The following KCNMA1 variants were observed in gnomAD, a reference collection of about 807,000 sequenced individuals.
KCNMA1 encodes Calcium-activated potassium channel subunit alpha-1.
Under a neutral mutation model 140.0 loss-of-function variants are expected in KCNMA1, and 29 were observed. The ratio of observed to expected loss-of-function variants is 0.21; its 90% confidence interval spans 0.15 to 0.28. The LOEUF is 0.28. Ranked by LOEUF, KCNMA1 falls within the 10% of genes least tolerant of loss-of-function variation. KCNMA1 has a pLI of 1.00. For missense variants in KCNMA1, 880 were observed against 1,602.2 expected (o/e 0.55, Z 7.70); for synonymous variants, 612 against 611.9 (o/e 1.00, Z 0.00).
chr10:77,318,642 T>C (rs1366207478), intron 2 of KCNMA1, among the ~76,000 whole-genome samples: 2 of 152,090 alleles, frequency 1.3e-5, no homozygotes, highest in African/African-American at 2.4e-5. Flanking sequence ...AATAAATGAA[T>C]TGATGGTCAG....
rs375639987 is a variant in KCNMA1 at position 76,997,286 on chromosome 10, A to G, written c.2266+4121T>C. On this transcript the variant is annotated intron_variant, in intron 19 of 27. Coordinates refer to ENST00000286628, the MANE Select transcript of KCNMA1 (RefSeq NM_001161352.2). ...TATATTTATACCCAAAATAAAAGTC[A>G]TGTGTAATTTAAAATTAGCTACAGT... Among the ~76,000 whole-genome samples the G allele has an allele frequency of 5.6e-4, 85 of 152,332 alleles. No homozygotes were observed. The East Asian group carries it at 0.013, about 22-fold the overall frequency.
At position 77,503,148 on chromosome 10, in the gene KCNMA1, G is replaced by A. The variant is rs551842580; in HGVS notation, c.379-99125C>T. On this transcript the variant is annotated intron_variant, in intron 1 of 27. Transcript: ENST00000286628. ...AACTCTATCAAAGAAAGGTAAACAG[G>A]TAAGAGCTTTTTGGGTTAAAATGTT... Among the ~76,000 whole-genome samples, 4 of 152,262 alleles carry A rather than the reference G, an allele frequency of 2.6e-5. No individual in the cohort carries two copies. The East Asian group carries it at 7.7e-4, about 29-fold the overall frequency.
chr10:77,127,087 C>A (rs1406665367), intron 5 of KCNMA1, among the ~76,000 whole-genome samples: 1 of 3,612 alleles, frequency 2.8e-4, no homozygotes, highest in Admixed American at 6.2e-3. Context: ...CACACACACA[C>A]ACACACACAC....
intron 27 of KCNMA1, among the ~76,000 whole-genome samples, chr10:76,888,677 A>G (rs998398840): frequency 6.6e-5 from 10 of 152,216 alleles, no homozygotes; most frequent in African/African-American, 2.4e-4. Context: ...ATAATATATA[A>G]TTGTCTCAAA....
At chr10:76,943,074 T>C (rs1029821727) in intron 23 of KCNMA1, among the ~76,000 whole-genome samples, 9 of 152,148 alleles carry the variant, frequency 5.9e-5, no homozygotes, top group African/African-American at 1.7e-4. Context: ...AGAGGACACA[T>C]ATTGAAAGTC....
At chr10:77,591,061 G>T (rs961529760) in intron 1 of KCNMA1, among the ~76,000 whole-genome samples, 1 of 152,164 alleles carries the variant, frequency 6.6e-6, no homozygotes. Context: ...GGCCCAGGCA[G>T]ATAAACACAT....
chr10:77,213,283 A>G (rs1390297246), intron 3 of KCNMA1, among the ~76,000 whole-genome samples: 1 of 152,156 alleles, frequency 6.6e-6, no homozygotes, highest in Non-Finnish European at 1.5e-5. Context: ...TTCAGCACCT[A>G]TACTTGGACT....
intron 3 of KCNMA1, chr10:77,250,240 C>T (rs2059424001): frequency 6.6e-6 from 1 of 152,162 alleles, no homozygotes; most frequent in East Asian, 1.9e-4. Flanking sequence ...TAGTAGCCAA[C>T]CATGCCAGGG....
chr10:77,217,609 G>C (rs1247884874), intron 3 of KCNMA1: 1 of 440,644 alleles, frequency 2.3e-6, no homozygotes, highest in Non-Finnish European at 4.6e-6. Context: ...ACAGAACAAA[G>C]TGGAAAATGA....
intron 23 of KCNMA1, among the ~76,000 whole-genome samples, chr10:76,924,438 T>C (rs760782563): frequency 2.6e-5 from 4 of 152,228 alleles, no homozygotes; most frequent in Non-Finnish European, 5.9e-5. Context: ...ATTTTCTTTT[T>C]GGTTTCTATA....
At chr10:77,132,305 T>C (rs1007746293) in intron 5 of KCNMA1, among the ~76,000 whole-genome samples, 3 of 151,938 alleles carry the variant, frequency 2.0e-5, no homozygotes, top group Non-Finnish European at 4.4e-5. Flanking sequence ...GCCATCTTCA[T>C]ACAAAGGGGC....
chr10:77,596,997 C>T (rs1024281901), intron 1 of KCNMA1, among the ~76,000 whole-genome samples: 19 of 152,104 alleles, frequency 1.2e-4, no homozygotes, highest in Non-Finnish European at 2.4e-4. Context: ...GAGAAATTGG[C>T]GACAACCTTT....
At chr10:77,014,501 C>T (rs2153462639) in intron 17 of KCNMA1, among the ~76,000 whole-genome samples, 1 of 150,534 alleles carries the variant, frequency 6.6e-6, no homozygotes, top group Non-Finnish European at 1.5e-5. Flanking sequence ...ACTATAGTCA[C>T]CACATTGAAC....
At chr10:76,966,617 A>G (rs575586488) in intron 20 of KCNMA1, among the ~76,000 whole-genome samples, 1 of 152,258 alleles carries the variant, frequency 6.6e-6, no homozygotes, top group East Asian at 1.9e-4. Context: ...CTATCCTTAC[A>G]AGGCACCACC....
intron 1 of KCNMA1, among the ~76,000 whole-genome samples, chr10:77,569,272 T>C (rs11002203): frequency 0.073 from 6,135 of 83,770 alleles, 390 homozygotes; most frequent in East Asian, 0.45. Context: ...GAGCCCGCAT[T>C]GCCAAGTCAA....
At chr10:77,455,684 C>G (rs1280975497) in intron 1 of KCNMA1, among the ~76,000 whole-genome samples, 1 of 152,178 alleles carries the variant, frequency 6.6e-6, no homozygotes, top group African/African-American at 2.4e-5. Flanking sequence ...CATGAATCAC[C>G]TTCAAGGACA....
At chr10:77,283,159 T>C (rs1206909918) in intron 2 of KCNMA1, among the ~76,000 whole-genome samples, 2 of 152,238 alleles carry the variant, frequency 1.3e-5, no homozygotes, top group African/African-American at 4.8e-5. Context: ...GTTGGGTGTG[T>C]ATCCTAACAC....
chr10:77,054,278 A>C (rs529076429), intron 14 of KCNMA1, among the ~76,000 whole-genome samples: 2 of 152,340 alleles, frequency 1.3e-5, no homozygotes, highest in South Asian at 4.1e-4. Context: ...TGTCCTTCTC[A>C]TTGCCAAATT....
intron 1 of KCNMA1, among the ~76,000 whole-genome samples, chr10:77,466,054 C>T (rs933848807): frequency 1.3e-5 from 2 of 152,164 alleles, no homozygotes; most frequent in South Asian, 2.1e-4. Flanking sequence ...ATACCCTTGG[C>T]GGGAGCATCA....
Sources: gnomAD v4.1 joint callset for allele counts (sites outside exome capture counted in the v4.1 genomes callset) on GRCh38, gnomAD v4.1.1 for gene constraint, MANE v1.5 for transcripts, NCBI Gene and HGNC (gene_info 2026-07-23, HGNC 2026-07-21) for gene names.